The following PCDHA6 variants were observed in gnomAD, a reference collection of about 807,000 sequenced individuals.
The protein encoded by PCDHA6 is protocadherin alpha 6.
Under a neutral mutation model 60.3 loss-of-function variants are expected in PCDHA6, and 55 were observed. That is an observed-to-expected ratio of 0.91 (90% CI 0.73 to 1.14). The LOEUF is 1.14. Among genes scored for constraint, PCDHA6 ranks in the 50% most tolerant of loss-of-function variants. The pLI, the probability that PCDHA6 is intolerant of heterozygous loss-of-function variation, is 0.00. For missense variants in PCDHA6, 1,327 were observed against 1,256.5 expected, an observed-to-expected ratio of 1.06 and a Z score of -0.85; for synonymous variants, 652 against 557.9, an observed-to-expected ratio of 1.17 and a Z score of -2.38.
intron 1 of PCDHA6, among the ~76,000 whole-genome samples, chr5:140,833,035 T>C (rs1192645027): frequency 2.6e-5 from 4 of 152,298 alleles, no homozygotes; most frequent in South Asian, 2.1e-4. Context: ...GAGAGTGTGA[T>C]ATAAAGCAAG....
chr5:140,874,187 C>A (rs1554167080), intron 1 of PCDHA6, among the ~76,000 whole-genome samples: 1 of 152,168 alleles, frequency 6.6e-6, no homozygotes, highest in Non-Finnish European at 1.5e-5. Context: ...GTAAAGGTGT[C>A]ATATTTCAGT....
At chr5:140,888,983 T>C (rs193278447) in intron 1 of PCDHA6, among the ~76,000 whole-genome samples, 22 of 152,266 alleles carry the variant, frequency 1.4e-4, no homozygotes, top group African/African-American at 5.1e-4. Flanking sequence ...AATTTATGAT[T>C]TATGATTTTC....
At chr5:140,834,515 C>T in intron 1 of PCDHA6, 1 of 1,614,100 alleles carries the variant, frequency 6.2e-7, no homozygotes, top group East Asian at 2.2e-5. Context: ...ATGGCAACTT[C>T]GTGGGCCGCA....
intron 1 of PCDHA6, among the ~76,000 whole-genome samples, chr5:140,941,214 C>CTTTCTTT (rs1554214039): frequency 0.058 from 7,135 of 122,220 alleles, 362 homozygotes; most frequent in South Asian, 0.079. Context: ...TTTCTTTCTT[C>CTTTCTTT]CTTTCTTTCT....
intron 1 of PCDHA6, among the ~76,000 whole-genome samples, chr5:140,831,520 C>CTTTTTTTT (rs35178185): frequency 4.1e-5 from 5 of 122,414 alleles, no homozygotes; most frequent in Non-Finnish European, 6.6e-5. Context: ...TGCCCCCCAC[C>CTTTTTTTT]TTTTTTTTTT....
chr5:140,841,400 G>T, intron 1 of PCDHA6: 1 of 1,613,214 alleles, frequency 6.2e-7, no homozygotes, highest in African/African-American at 1.3e-5. Flanking sequence ...CTGGAAGGTG[G>T]GGAGCGGCCA....
In PCDHA6 at chr5:140,882,341, G is replaced by A. The variant is rs782271839; in HGVS notation, c.2394+51856G>A. 5.6e-6 allele frequency: 9 copies of A among 1,614,058 alleles called. No individual in the cohort carries two copies. The Admixed American group carries it at 1.3e-4, about 24-fold the overall frequency. ...CTGGCTTCTGATCCTCGCAGCCTGGGAGACGGGTAGTGGCCAGCTCCACTA... is the reference window on the plus strand; with the variant it reads ...CTGGCTTCTGATCCTCGCAGCCTGGAAGACGGGTAGTGGCCAGCTCCACTA... On this transcript the variant is annotated intron_variant, in intron 1 of 3. Coordinates refer to ENST00000529310, the MANE Select transcript of PCDHA6 (RefSeq NM_018909.4).
At chr5:140,853,680 C>CTATCCTTAGACCTGCTAACGCATTAGCAT in intron 1 of PCDHA6, 1 of 988,078 alleles carries the variant, frequency 1.0e-6, no homozygotes, top group South Asian at 4.7e-5. Context: ...TATGGTCAAC[C>CTATCCTTAGACCTGCTAACGCATTAGCAT]TATCCTTAGA....
chr5:140,843,552 C>G (rs2150362585), intron 1 of PCDHA6: 1 of 1,595,800 alleles, frequency 6.3e-7, no homozygotes, highest in Non-Finnish European at 8.6e-7. Context: ...TGCTCCAGTG[C>G]GGTGGGGAGC....
chr5:140,941,206 T>TCTTC (rs201128549), intron 1 of PCDHA6, among the ~76,000 whole-genome samples: 3,670 of 95,482 alleles, frequency 0.038, 169 homozygotes, highest in African/African-American at 0.16. Flanking sequence ...TTTCTTCCTT[T>TCTTC]CTTTCTTCCT....
chr5:140,992,393 A>G (rs2097508684), intron 3 of PCDHA6, among the ~76,000 whole-genome samples: 1 of 152,180 alleles, frequency 6.6e-6, no homozygotes, highest in African/African-American at 2.4e-5. Context: ...TTCTGGACTT[A>G]GAGATATTGT....
chr5:140,876,862 G>A (rs1554169053), intron 1 of PCDHA6: 2 of 1,614,168 alleles, frequency 1.2e-6, no homozygotes, highest in Non-Finnish European at 1.7e-6. Context: ...CACAGTGTTC[G>A]TGAAGGAGAA....
intron 1 of PCDHA6, chr5:140,928,032 T>C (rs369075554): frequency 6.2e-7 from 1 of 1,614,216 alleles, no homozygotes; most frequent in African/African-American, 1.3e-5. Flanking sequence ...GTGGCATGTC[T>C]AGTGCAGGCC....
intron 1 of PCDHA6, chr5:140,882,442 G>A (rs1554174153): frequency 6.2e-7 from 1 of 1,613,948 alleles, no homozygotes; most frequent in African/African-American, 1.3e-5. Context: ...AGCTGGCGGA[G>A]CTGGTGCCGC....
At chr5:140,955,654 A>G (rs2095214723) in intron 1 of PCDHA6, among the ~76,000 whole-genome samples, 1 of 152,208 alleles carries the variant, frequency 6.6e-6, no homozygotes, top group South Asian at 2.1e-4. Flanking sequence ...TAATACACAT[A>G]TGAATTTTAA....
intron 1 of PCDHA6, among the ~76,000 whole-genome samples, chr5:140,960,656 G>T (rs553083977): frequency 1.3e-5 from 2 of 152,218 alleles, no homozygotes; most frequent in Admixed American, 1.3e-4. Context: ...CCAAATCAAT[G>T]AATGCTTTGG....
At chr5:140,876,921 C>T (rs1554169105) in intron 1 of PCDHA6, 13 of 1,613,926 alleles carry the variant, frequency 8.1e-6, no homozygotes, top group East Asian at 4.5e-5. Context: ...GGGACGCGGA[C>T]GCGCAGAAGA....
rs372235129 is a variant in PCDHA6 at position 140,927,231 on chromosome 5, C to T, written c.2395-51718C>T. On this transcript the variant is annotated intron_variant, in intron 1 of 3. Transcript: ENST00000529310. ...TGGAGCTGCACAAGATTCGGATTCA[C>T]GTCCTGGACACCAATGACAACTCAC... 3.7e-6 allele frequency: 6 copies of T among 1,614,020 alleles called. No individual in the cohort carries two copies. In the African/African-American group the frequency reaches 4.0e-5, roughly 11 times the overall value.
chr5:140,995,367 T>G (rs2153932865), intron 3 of PCDHA6, among the ~76,000 whole-genome samples: 1 of 152,280 alleles, frequency 6.6e-6, no homozygotes, highest in East Asian at 1.9e-4. Context: ...AGAGGGATGA[T>G]TCACGTACTG....
Sources: allele counts gnomAD v4.1 joint callset (sites outside exome capture counted in the v4.1 genomes callset), GRCh38; gene constraint gnomAD v4.1.1; transcripts MANE v1.5; gene names NCBI Gene and HGNC (gene_info 2026-07-23, HGNC 2026-07-21).